SNX25: variants seen among roughly 807,000 people sequenced by gnomAD.
The protein encoded by SNX25 is sorting nexin 25.
A neutral mutation model predicts 113.7 loss-of-function variants in SNX25; 62 were observed. The ratio of observed to expected loss-of-function variants is 0.55; its 90% CI spans 0.44 to 0.67. SNX25 has a LOEUF of 0.67. Ranked by LOEUF, SNX25 falls within the 30% of genes least tolerant of loss-of-function variation. The pLI is 0.00. For missense variants in SNX25, 1,014 were observed against 1,161.0 expected (o/e 0.87, Z 1.84); for synonymous variants, 421 against 436.2 (o/e 0.97, Z 0.43).
intron 1 of SNX25, among the ~76,000 whole-genome samples, chr4:185,211,352 G>A (rs1737759258): frequency 6.6e-6 from 1 of 152,128 alleles, no homozygotes; most frequent in Non-Finnish European, 1.5e-5. Context: ...GGCAACTCCT[G>A]TTTTTAGAAG....
the SNX25 span, chr4:185,378,212 A>G: frequency 8.1e-6 from 13 of 1,605,468 alleles, no homozygotes; most frequent in South Asian, 1.0e-4. Context: ...TGTATTCTAT[A>G]AGCAAGAAGA....
At chr4:185,347,084 T>C (rs1278188798) in intron 13 of SNX25, among the ~76,000 whole-genome samples, 2 of 152,260 alleles carry the variant, frequency 1.3e-5, no homozygotes, top group African/African-American at 2.4e-5. Context: ...TCATCCATCC[T>C]GTCATCTTAG....
At chr4:185,224,127 G>C (rs1247586838) in intron 1 of SNX25, among the ~76,000 whole-genome samples, 1 of 152,084 alleles carries the variant, frequency 6.6e-6, no homozygotes, top group Non-Finnish European at 1.5e-5. Context: ...CTAGGCGGGT[G>C]GGTCACCTGA....
rs879137970 is a variant in SNX25, at chr4:185,353,717, T to A, written c.2584+115T>A. On this transcript the variant is annotated intron_variant, in intron 15 of 18. Transcript: ENST00000652585. ...CTGAAATGCATCAGACATGTATTTA[T>A]ATTCATGCATCCATTCATTCAACAT... is the stretch of plus-strand genomic sequence containing the variant. The A allele has an allele frequency of 2.3e-5, 20 of 868,022 alleles. No individual in the cohort carries two copies. The South Asian group carries it at 2.5e-4, about 11-fold the overall frequency. The allele number at this position is 868,022 out of a possible 1,614,324, so 53.8% of individuals were successfully genotyped here.
At chr4:185,332,873 A>G in intron 10 of SNX25, 114 bp downstream of exon 10, 1 of 1,080,344 alleles carries the variant, frequency 9.3e-7, no homozygotes, top group Non-Finnish European at 1.3e-6. Flanking sequence ...ACCATGAACA[A>G]GTTCCATTGT....
downstream of SNX25, chr4:185,366,896 G>A (rs1480837915): frequency 2.6e-5 from 6 of 227,930 alleles, no homozygotes; most frequent in African/African-American, 9.1e-5. Context: ...AAGGATAAAC[G>A]ATACTTGCTG....
At chr4:185,357,929 T>C (rs1031394143) in intron 16 of SNX25, among the ~76,000 whole-genome samples, 192 bp downstream of exon 16, 19 of 152,202 alleles carry the variant, frequency 1.2e-4, no homozygotes, top group African/African-American at 4.6e-4. Flanking sequence ...AGAATGCATA[T>C]GGCAAGTTAG....
downstream of SNX25, chr4:185,367,225 T>C (rs1295089489): frequency 6.2e-6 from 10 of 1,612,488 alleles, no homozygotes; most frequent in East Asian, 2.2e-5. Context: ...CATCTGCCAA[T>C]GCGGGATTCA....
At chr4:185,215,158 G>A (rs1738592218) in intron 1 of SNX25, among the ~76,000 whole-genome samples, 1 of 152,140 alleles carries the variant, frequency 6.6e-6, no homozygotes, top group Non-Finnish European at 1.5e-5. Context: ...GAACCCGGGA[G>A]GCGGAGCTTG....
chr4:185,349,238 G>C (rs2095303653), intron 13 of SNX25, among the ~76,000 whole-genome samples: 1 of 152,116 alleles, frequency 6.6e-6, no homozygotes, highest in Non-Finnish European at 1.5e-5. Flanking sequence ...TTTGCATTGG[G>C]CTGCATGTAG....
intron 2 of SNX25, among the ~76,000 whole-genome samples, chr4:185,256,616 C>T (rs546755294): frequency 1.4e-5 from 2 of 145,588 alleles, no homozygotes; most frequent in South Asian, 4.5e-4. Flanking sequence ...GAGAGCTCAC[C>T]TAAATTTCTT....
At chr4:185,245,426 C>T (rs1351616035) in intron 1 of SNX25, among the ~76,000 whole-genome samples, 1 of 151,968 alleles carries the variant, frequency 6.6e-6, no homozygotes, top group Non-Finnish European at 1.5e-5. Flanking sequence ...CAACCTACAT[C>T]TCCTGGGTTC....
In SNX25 at chr4:185,209,972, C is replaced by T; in HGVS notation, c.146C>T (p.Pro49Leu). ...GCGGAGGCAGCAGCAGCGGCGGCGCCGGGGGCCCCGGGCGGCCGGAGCTGG... is the reference window on the plus strand; with the variant it reads ...GCGGAGGCAGCAGCAGCGGCGGCGCTGGGGGCCCCGGGCGGCCGGAGCTGG... ...GDAEAAAAAA[P>L]GAPGGRSWWK... The change falls in exon 1 of 19, where the codon CCG (proline) becomes CTG (leucine). Residue 49 changes from proline (P) to leucine (L), a missense_variant. Pro to Leu is a moderately conservative substitution (Grantham distance 98). Transcript: ENST00000652585. This position sits in a 1 kb window ranked among gnomAD's most constrained non-coding sequence, Gnocchi z 5.2. 1.0e-6 allele frequency: 1 copy of T among 983,270 alleles called. No individual in the cohort carries two copies. Among genetic ancestry groups the T allele is most frequent in the Non-Finnish European group, 1.2e-6 (1 of 829,032 alleles). The allele number at this position is 983,270 out of a possible 1,614,324, so 60.9% of individuals were successfully genotyped here.
At position 185,319,108 on chromosome 4, in the gene SNX25, T is replaced by A. The variant is rs548896745; in HGVS notation, c.1345-1625T>A. On this transcript the variant is annotated intron_variant, in intron 7 of 18. Transcript: ENST00000652585. ...TTTATTTTATTTTTTTTATTTTTTTTTTTTTAAAGGACATATCATATTTAT... is the reference window on the plus strand; with the variant it reads ...TTTATTTTATTTTTTTTATTTTTTTATTTTTAAAGGACATATCATATTTAT... Among the ~76,000 whole-genome samples the A allele has an allele frequency of 1.9e-3, 280 of 150,470 alleles. 3 individuals carry two copies. The highest frequency in any genetic ancestry group is 6.5e-3 in the African/African-American group (267 of 41,190).
intron 2 of SNX25, among the ~76,000 whole-genome samples, chr4:185,253,076 C>T (rs367784652): frequency 1.4e-4 from 10 of 69,834 alleles, no homozygotes; most frequent in African/African-American, 2.1e-4. Flanking sequence ...AGGAAAAAGA[C>T]GACTTCTAAA....
chr4:185,327,396 A>G (rs2095163990), intron 9 of SNX25, among the ~76,000 whole-genome samples: 1 of 152,234 alleles, frequency 6.6e-6, no homozygotes. Context: ...CATTTGTTGT[A>G]TGAATTCCCT....
chr4:185,207,876 T>C (rs967701528), upstream of SNX25: 7 of 152,224 alleles, frequency 4.6e-5, no homozygotes, highest in Non-Finnish European at 8.8e-5. Context: ...TATGGTGAGC[T>C]AGGGCTAAAA....
At chr4:185,337,258 A>T (rs2095236202) in intron 10 of SNX25, among the ~76,000 whole-genome samples, 1 of 152,078 alleles carries the variant, frequency 6.6e-6, no homozygotes, top group Non-Finnish European at 1.5e-5. Context: ...CCCCTCCCTC[A>T]TGCTCTGGAA....
At chr4:185,268,550 TTA>T (rs944492618) in intron 5 of SNX25, among the ~76,000 whole-genome samples, 15 of 152,350 alleles carry the variant, frequency 9.8e-5, no homozygotes, top group Middle Eastern at 6.8e-3. Flanking sequence ...AAGAAAACTC[TTA>T]TATGTTCATT....
Sources: gnomAD v4.1 joint callset for allele counts (sites outside exome capture counted in the v4.1 genomes callset) on GRCh38, gnomAD v4.1.1 for gene constraint, Gnocchi (gnomAD v3.1) non-coding constraint, MANE v1.5 for transcripts, NCBI Gene and HGNC (gene_info 2026-07-23, HGNC 2026-07-21) for gene names.